Variants in TAF12 observed in about 807,000 individuals in gnomAD.
TAF12 encodes the protein transcription initiation factor TFIID subunit 12.
A neutral mutation model predicts 20.8 loss-of-function variants in TAF12; 3 were observed. That is an observed-to-expected ratio of 0.14 (90% CI 0.07 to 0.37). TAF12 has a LOEUF of 0.37. TAF12 is among the 10% of genes least tolerant of loss of function. The pLI is 1.00. For missense variants in TAF12, 131 were observed against 197.9 expected, an observed-to-expected ratio of 0.66 and a Z score of 2.03; for synonymous variants, 69 against 70.2, an observed-to-expected ratio of 0.98 and a Z score of 0.09.
chr1:28,645,598 A>C (rs1477926918), upstream of TAF12, among the ~76,000 whole-genome samples: 1 of 151,576 alleles, frequency 6.6e-6, no homozygotes, highest in African/African-American at 2.4e-5. Context: ...CAGTGAGCGG[A>C]GATTGAGCCA....
Position 28,603,512 on chromosome 1 carries a change from C to T in TAF12, c.*27G>A, listed in dbSNP as rs1381951368. The T allele has an allele frequency of 7.4e-6, 12 of 1,613,016 alleles. No individual in the cohort carries two copies. The Middle Eastern group carries it at 9.9e-4, about 133-fold the overall frequency. On this transcript the variant is annotated 3_prime_UTR_variant, in exon 6 of 6. Coordinates refer to ENST00000373824, the MANE Select transcript of TAF12 (RefSeq NM_005644.4). ...AGCTCAAGTATCTCCAAATACATTGCTGTCCATTCCCTGACCTTTCCGTGT... is the reference window on the plus strand; with the variant it reads ...AGCTCAAGTATCTCCAAATACATTGTTGTCCATTCCCTGACCTTTCCGTGT...
intron 1 of TAF12, among the ~76,000 whole-genome samples, chr1:28,633,899 C>T (rs1377320897): frequency 2.6e-5 from 3 of 117,398 alleles, no homozygotes; most frequent in African/African-American, 6.8e-5. Context: ...GCAATGAAAG[C>T]GAAACTCCAT....
chr1:28,624,261 G>T (rs1401885020), intron 1 of TAF12, among the ~76,000 whole-genome samples: 1 of 152,136 alleles, frequency 6.6e-6, no homozygotes, highest in Non-Finnish European at 1.5e-5. Context: ...TAAAATGAAT[G>T]TCTGCTGTTA....
intron 3 of TAF12, among the ~76,000 whole-genome samples, chr1:28,617,074 C>T (rs1406184081): frequency 4.6e-5 from 7 of 152,062 alleles, no homozygotes; most frequent in Admixed American, 2.6e-4. Context: ...GAGCCAAGAT[C>T]GCGCCATTGC....
chr1:28,617,909 C>G, intron 3 of TAF12, 44 bp downstream of exon 3: 1 of 1,563,272 alleles, frequency 6.4e-7, no homozygotes, highest in Non-Finnish European at 8.8e-7. Flanking sequence ...TATGCTATAC[C>G]GGTTCTCAGG....
At chr1:28,640,288 A>G (rs546040978) in intron 1 of TAF12, among the ~76,000 whole-genome samples, 7 of 152,358 alleles carry the variant, frequency 4.6e-5, no homozygotes, top group African/African-American at 1.4e-4. Context: ...GCCACAATAC[A>G]TAAGTACCCT....
At chr1:28,616,457 G>A (rs142537587) in intron 3 of TAF12, among the ~76,000 whole-genome samples, 1 of 151,608 alleles carries the variant, frequency 6.6e-6, no homozygotes, top group East Asian at 1.9e-4. Flanking sequence ...GGACCAGCAG[G>A]CGTGATAGCT....
At chr1:28,630,982 T>C (rs1041070609) in intron 1 of TAF12, among the ~76,000 whole-genome samples, 10 of 149,172 alleles carry the variant, frequency 6.7e-5, no homozygotes, top group Non-Finnish European at 1.0e-4. Context: ...GAGGCGGAGG[T>C]TGCAGTGAGC....
In TAF12 at chr1:28,643,016, G is replaced by C. The variant is rs1317777254; in HGVS notation, c.-109C>G. 6.1e-6 allele frequency: 6 copies of C among 985,944 alleles called. 1 individual carries two copies. In the East Asian group the frequency reaches 3.4e-4, roughly 56 times the overall value. The allele number at this position is 985,944 out of a possible 1,614,324, so 61.1% of individuals were successfully genotyped here. ...CAGGCAGCAGCGTCTATCTCCCCAT[G>C]ATATGCAGAGACTGCCCCAGTGAAG... On this transcript the variant is annotated 5_prime_UTR_variant, in exon 1 of 6. The change creates a new upstream start codon in the 5' untranslated region. Transcript: ENST00000373824.
Position 28,622,023 on chromosome 1 carries a change from G to A in TAF12, c.59C>T (p.Pro20Leu), listed in dbSNP as rs759507763. ...TTGTGGAGGGGTGCTGGCTGGTTCC[G>A]GTTTTATGGATGAGAAATTGGAGAG... ...INLSNFSSIK[P>L]EPASTPPQGS... The change falls in exon 2 of 6, where the codon CCG (proline) becomes CTG (leucine). Residue 20 changes from proline to leucine, a missense_variant. Physicochemically the swap from Pro to Leu is moderately conservative, Grantham distance 98. Coordinates refer to ENST00000373824, the MANE Select transcript of TAF12 (RefSeq NM_005644.4). The A allele has an allele frequency of 1.4e-5, 23 of 1,614,008 alleles. No individual in the cohort carries two copies. Among genetic ancestry groups the A allele is most frequent in the Non-Finnish European group, 1.9e-5 (22 of 1,180,010 alleles).
chr1:28,636,397 A>G (rs1280021034), intron 1 of TAF12, among the ~76,000 whole-genome samples: 1 of 152,128 alleles, frequency 6.6e-6, no homozygotes, highest in Non-Finnish European at 1.5e-5. Context: ...TGGTAGCAGT[A>G]TCTGGGTTTA....
intron 5 of TAF12, among the ~76,000 whole-genome samples, chr1:28,604,062 G>A (rs942197102): frequency 2.6e-5 from 4 of 151,980 alleles, no homozygotes; most frequent in African/African-American, 7.2e-5. Flanking sequence ...GTGCCACCAC[G>A]CCTGGCTAAT....
intron 1 of TAF12, among the ~76,000 whole-genome samples, chr1:28,640,527 G>A (rs1358266290): frequency 3.3e-5 from 5 of 152,124 alleles, no homozygotes; most frequent in South Asian, 2.1e-4. Flanking sequence ...TCTGTACAAC[G>A]GGACTGACAA....
At chr1:28,642,918 T>C in intron 1 of TAF12, 74 bp downstream of exon 1, 3 of 986,240 alleles carry the variant, frequency 3.0e-6, no homozygotes, top group Non-Finnish European at 2.4e-6. Context: ...CTTCGAACAC[T>C]GACCCACTGT....
intron 2 of TAF12, among the ~76,000 whole-genome samples, chr1:28,618,911 AGT>A (rs1667122801): frequency 1.3e-5 from 2 of 152,172 alleles, no homozygotes; most frequent in South Asian, 4.1e-4. Flanking sequence ...AGCCAGGCAC[AGT>A]GATCTGTGCC....
At chr1:28,619,948 CA>C (rs879307972) in intron 2 of TAF12, among the ~76,000 whole-genome samples, 1,081 of 100,844 alleles carry the variant, frequency 0.011, 7 homozygotes, top group African/African-American at 0.025. Flanking sequence ...GACTCTGTCT[CA>C]AAAAAAAAAA....
At chr1:28,636,738 C>T (rs1424817129) in intron 1 of TAF12, among the ~76,000 whole-genome samples, 1 of 151,382 alleles carries the variant, frequency 6.6e-6, no homozygotes, top group Admixed American at 6.6e-5. Context: ...GAGGTTGATA[C>T]AGTAGTGAGA....
chr1:28,604,316 T>G (rs1666596200), intron 5 of TAF12, among the ~76,000 whole-genome samples: 1 of 152,186 alleles, frequency 6.6e-6, no homozygotes. Context: ...AGCTGACATT[T>G]CACATCTCAT....
At chr1:28,604,047 G>A (rs537830051) in intron 5 of TAF12, among the ~76,000 whole-genome samples, 9 of 152,180 alleles carry the variant, frequency 5.9e-5, no homozygotes, top group African/African-American at 2.2e-4. Context: ...TGGGATTACA[G>A]GCACGTGCCA....
Sources: allele counts gnomAD v4.1 joint callset (sites outside exome capture counted in the v4.1 genomes callset), GRCh38; gene constraint gnomAD v4.1.1; transcripts MANE v1.5; gene names NCBI Gene and HGNC (gene_info 2026-07-23, HGNC 2026-07-21).